Variants in LGR6 observed in about 807,000 individuals in gnomAD.
LGR6 encodes the protein leucine-rich repeat-containing G protein-coupled receptor 6.
Under a neutral mutation model 69.4 loss-of-function variants are expected in LGR6, and 45 were observed. That is an observed-to-expected ratio of 0.65 (90% CI 0.51 to 0.83). The LOEUF (loss-of-function observed/expected upper bound fraction) is 0.83. Among genes scored for constraint, LGR6 ranks in the 40% least tolerant of loss-of-function variants. The pLI is 0.00. For missense variants in LGR6, 1,108 were observed against 1,246.7 expected (o/e 0.89, Z 1.68); for synonymous variants, 538 against 555.0 (o/e 0.97, Z 0.43).
At chr1:202,265,164 G>T (rs1219888195) in intron 4 of LGR6, among the ~76,000 whole-genome samples, 2 of 152,086 alleles carry the variant, frequency 1.3e-5, no homozygotes, top group Non-Finnish European at 2.9e-5. Flanking sequence ...TTAATTCAAG[G>T]CTCCATGCAC....
At position 202,194,555 on chromosome 1, in the gene LGR6, T is replaced by C. The variant is rs556609259; in HGVS notation, c.212+354T>C. The C allele has an allele frequency of 9.3e-5, 54 of 581,228 alleles. No individual in the cohort carries two copies. The East Asian group carries it at 2.1e-3, about 23-fold the overall frequency. 36.0% of individuals were successfully genotyped at this position (581,228 alleles called of 1,614,324 possible). A position where few individuals can be genotyped will look rare whatever the true frequency, so the allele number is the denominator to read the frequency against. On this transcript the variant is annotated intron_variant, in intron 1 of 17. Coordinates refer to ENST00000367278, the MANE Select transcript of LGR6 (RefSeq NM_001017403.2). ...GCTGCATTCTCTTCTAGCAGAGCAG[T>C]GCCCGGGATGGTGGCTGAGGGTAAA...
At chr1:202,277,259 C>G (rs564525284) in intron 5 of LGR6, among the ~76,000 whole-genome samples, 4 of 152,162 alleles carry the variant, frequency 2.6e-5, no homozygotes, top group Non-Finnish European at 4.4e-5. Flanking sequence ...CCACGCCCCC[C>G]GCTTTTGAAG....
At chr1:202,260,853 C>T (rs1236948817) in intron 4 of LGR6, among the ~76,000 whole-genome samples, 1 of 152,108 alleles carries the variant, frequency 6.6e-6, no homozygotes, top group Non-Finnish European at 1.5e-5. Context: ...GGCTCCATTT[C>T]CCCCTGACAT....
Position 202,280,841 on chromosome 1 carries a change from T to C in LGR6, c.705T>C (p.Asn235=). The change falls in exon 6 of 18, where the codon AAT becomes AAC. Residue 235 remains asparagine (N), a synonymous_variant. Coordinates refer to ENST00000367278, the MANE Select transcript of LGR6 (RefSeq NM_001017403.2). ...LGTHSFEGLH[N]LETLDLNYNK... is the part of the protein sequence containing the mutation. ...CCCACAGCTTCGAGGGGCTGCACAA[T>C]CTGGAGACACTGTGAGTTTTGAGGT... is the stretch of plus-strand genomic sequence containing the variant. 6.2e-7 allele frequency: 1 copy of C among 1,613,800 alleles called. No individual in the cohort carries two copies. Among genetic ancestry groups the C allele is most frequent in the Non-Finnish European group, 8.5e-7 (1 of 1,179,818 alleles).
chr1:202,227,836 C>T, intron 2 of LGR6, 100 bp from the exon 3 acceptor site: 1 of 784,250 alleles, frequency 1.3e-6, no homozygotes, highest in Admixed American at 1.9e-5. Flanking sequence ...TAGTTTTTAC[C>T]ACCGCCCTCC....
chr1:202,236,428 A>T (rs979430747), intron 4 of LGR6: 3 of 182,542 alleles, frequency 1.6e-5, no homozygotes, highest in African/African-American at 2.4e-5. Context: ...CTAGGCTCAG[A>T]TACTCATTTT....
intron 3 of LGR6, among the ~76,000 whole-genome samples, chr1:202,233,139 A>C (rs1476688942): frequency 6.6e-6 from 1 of 152,212 alleles, no homozygotes; most frequent in African/African-American, 2.4e-5. Flanking sequence ...CTGACACTAG[A>C]AGGAAAATTA....
intron 2 of LGR6, among the ~76,000 whole-genome samples, chr1:202,226,711 CCAGCAAGT>C (rs745840302): frequency 5.3e-5 from 8 of 152,208 alleles, no homozygotes; most frequent in Non-Finnish European, 7.3e-5. Context: ...AGTAGTGTGG[CCAGCAAGT>C]CAGCAGGGGA....
rs1403969049 is a variant in LGR6 at position 202,268,107 on chromosome 1, C to T, written c.429-8199C>T. On this transcript the variant is annotated intron_variant, in intron 4 of 17. Coordinates refer to ENST00000367278, the MANE Select transcript of LGR6 (RefSeq NM_001017403.2). The surrounding 1 kb of genome is among the most constrained non-coding windows in gnomAD (Gnocchi z 4.4). ...GCATCCGTGCCTGAGTTGGTGGAGT[C>T]TGTGGGTACAGATTCTGTGTGTTCC... Among the ~76,000 whole-genome samples, 1 of 152,216 alleles carries T rather than the reference C, an allele frequency of 6.6e-6. No individual in the cohort carries two copies. Among genetic ancestry groups the T allele is most frequent in the East Asian group, 1.9e-4 (1 of 5,194 alleles).
intron 1 of LGR6, among the ~76,000 whole-genome samples, chr1:202,208,388 G>A (rs1395026368): frequency 6.6e-6 from 1 of 150,812 alleles, no homozygotes; most frequent in African/African-American, 2.4e-5. Flanking sequence ...AGAGGGGAGA[G>A]AGAGAGGAGA....
intron 4 of LGR6, among the ~76,000 whole-genome samples, chr1:202,276,080 C>T (rs1167372829): frequency 3.9e-5 from 6 of 152,034 alleles, no homozygotes; most frequent in African/African-American, 1.4e-4. Flanking sequence ...GGCAACAGAG[C>T]GAGACTCTGT....
At chr1:202,289,370 G>A (rs1417749894) in intron 6 of LGR6, among the ~76,000 whole-genome samples, 7 of 152,206 alleles carry the variant, frequency 4.6e-5, no homozygotes, top group Admixed American at 1.3e-4. Context: ...TTGGGGGCAG[G>A]TTGGACTATT....
intron 7 of LGR6, among the ~76,000 whole-genome samples, chr1:202,300,167 A>G (rs1018138081): frequency 2.0e-5 from 3 of 151,928 alleles, no homozygotes; most frequent in African/African-American, 7.3e-5. Context: ...CCTCTCACAC[A>G]CCCTTGGCTT....
chr1:202,299,835 A>G (rs147428680), intron 7 of LGR6, among the ~76,000 whole-genome samples: 3 of 152,258 alleles, frequency 2.0e-5, no homozygotes, highest in African/African-American at 7.2e-5. Flanking sequence ...AAGAGAGGGA[A>G]GGAAAGGAGC....
At chr1:202,248,736 C>T (rs1662971497) in intron 4 of LGR6, among the ~76,000 whole-genome samples, 1 of 152,234 alleles carries the variant, frequency 6.6e-6, no homozygotes, top group South Asian at 2.1e-4. Flanking sequence ...CCTCGCAAAG[C>T]AATCTCTTCC....
At chr1:202,238,251 A>T (rs1166675823) in intron 4 of LGR6, among the ~76,000 whole-genome samples, 2 of 150,930 alleles carry the variant, frequency 1.3e-5, no homozygotes, top group Non-Finnish European at 2.9e-5. Flanking sequence ...GTGCACTACC[A>T]CGCCAACTAA....
At chr1:202,234,939 T>G (rs1661400689) in intron 3 of LGR6, among the ~76,000 whole-genome samples, 1 of 152,114 alleles carries the variant, frequency 6.6e-6, no homozygotes, top group South Asian at 2.1e-4. Flanking sequence ...CCCTTCTTGC[T>G]TCCCCAGCTC....
chr1:202,291,309 A>G (rs1666775838), intron 6 of LGR6, among the ~76,000 whole-genome samples: 1 of 152,182 alleles, frequency 6.6e-6, no homozygotes. Flanking sequence ...GGGCTGTTAA[A>G]GATAATAGTC....
chr1:202,204,506 AAC>A (rs572817133), intron 1 of LGR6, among the ~76,000 whole-genome samples: 30 of 66,796 alleles, frequency 4.5e-4, no homozygotes, highest in African/African-American at 1.8e-3. Context: ...CACACCTCCA[AAC>A]ACACACACAC....
Sources: allele counts gnomAD v4.1 joint callset (sites outside exome capture counted in the v4.1 genomes callset), GRCh38; gene constraint gnomAD v4.1.1; non-coding constraint Gnocchi (gnomAD v3.1); transcripts MANE v1.5; gene names NCBI Gene and HGNC (gene_info 2026-07-23, HGNC 2026-07-21).